PKIA: variants seen among roughly 807,000 people sequenced by gnomAD.
The protein encoded by PKIA is cAMP-dependent protein kinase inhibitor alpha.
A neutral mutation model predicts 7.6 loss-of-function variants in PKIA; 4 were observed. The ratio of observed to expected loss-of-function variants is 0.52; its 90% CI spans 0.26 to 1.20. The LOEUF (loss-of-function observed/expected upper bound fraction) is 1.20, where lower values mean the gene tolerates loss of function less well. PKIA is among the 50% of genes most tolerant of loss of function. The pLI is 0.13. For synonymous variants in PKIA, 21 were observed against 30.7 expected (o/e 0.68, Z 1.04); for missense variants, 73 against 86.2 (o/e 0.85, Z 0.61).
At chr8:78,574,036 A>T (rs1340051921) in intron 2 of PKIA, among the ~76,000 whole-genome samples, 1 of 152,016 alleles carries the variant, frequency 6.6e-6, no homozygotes, top group Non-Finnish European at 1.5e-5. Context: ...TAGTACCTTC[A>T]TTAGATGTAC....
At position 78,597,975 on chromosome 8, in the gene PKIA, G is replaced by A. The variant is rs573916570; in HGVS notation, c.-27-383G>A. Among the ~76,000 whole-genome samples the A allele has an allele frequency of 2.0e-4, 30 of 151,616 alleles. No homozygotes were observed. The South Asian group carries it at 5.4e-3, about 27-fold the overall frequency. On this transcript the variant is annotated intron_variant, in intron 2 of 3. Transcript: ENST00000396418. Reference sequence around the variant, plus strand: ...AGGAACAGAAAACCAAACACTGCACGTTCTCACGTATAAGTGGTAGCTAAA... The same window carrying A: ...AGGAACAGAAAACCAAACACTGCACATTCTCACGTATAAGTGGTAGCTAAA...
At chr8:78,578,565 C>T (rs1251675895) in intron 2 of PKIA, among the ~76,000 whole-genome samples, 17 of 151,798 alleles carry the variant, frequency 1.1e-4, no homozygotes, top group Admixed American at 1.1e-3. Context: ...GCTAAAAGCT[C>T]TCGTTAGAAT....
chr8:78,584,297 T>G (rs1409589409), intron 2 of PKIA, among the ~76,000 whole-genome samples: 1 of 152,090 alleles, frequency 6.6e-6, no homozygotes, highest in African/African-American at 2.4e-5. Flanking sequence ...ATTGGTAAGT[T>G]TAAAAGTCAC....
chr8:78,570,844 CA>C (rs1469337537), intron 1 of PKIA, among the ~76,000 whole-genome samples: 2 of 152,100 alleles, frequency 1.3e-5, no homozygotes, highest in Non-Finnish European at 2.9e-5. Context: ...CTCTTTGACT[CA>C]AAAATTTACC....
At chr8:78,572,067 A>G (rs1463458841) in intron 1 of PKIA, among the ~76,000 whole-genome samples, 1 of 151,746 alleles carries the variant, frequency 6.6e-6, no homozygotes, top group Non-Finnish European at 1.5e-5. Context: ...TGAGAAGACT[A>G]CTCCTTAGTC....
intron 1 of PKIA, among the ~76,000 whole-genome samples, chr8:78,521,679 G>C (rs879655094): frequency 2.6e-5 from 4 of 151,732 alleles, no homozygotes; most frequent in Non-Finnish European, 5.9e-5. Context: ...CTCCATATCA[G>C]GTAAGTTTAT....
intron 2 of PKIA, among the ~76,000 whole-genome samples, chr8:78,578,429 C>T (rs779192903): frequency 1.1e-4 from 17 of 151,940 alleles, no homozygotes; most frequent in Non-Finnish European, 1.9e-4. Flanking sequence ...GTACTTGTAT[C>T]TTAAATGAAC....
At chr8:78,544,050 A>G (rs891917629) in intron 1 of PKIA, among the ~76,000 whole-genome samples, 2 of 152,134 alleles carry the variant, frequency 1.3e-5, no homozygotes, top group African/African-American at 4.8e-5. Context: ...CTCACATGCA[A>G]TGCATATTAA....
At chr8:78,587,417 G>A (rs374040926) in intron 2 of PKIA, among the ~76,000 whole-genome samples, 11 of 152,158 alleles carry the variant, frequency 7.2e-5, no homozygotes, top group East Asian at 3.8e-4. Context: ...TGGTCAAGTC[G>A]ATTAACCTTT....
chr8:78,518,791 G>T (rs115816000), intron 1 of PKIA, among the ~76,000 whole-genome samples: 6 of 152,316 alleles, frequency 3.9e-5, no homozygotes, highest in African/African-American at 1.4e-4. Context: ...TGGAGTTGGA[G>T]AAATCTTGTT....
intron 1 of PKIA, among the ~76,000 whole-genome samples, chr8:78,564,064 C>G (rs1231464364): frequency 6.6e-6 from 1 of 151,578 alleles, no homozygotes; most frequent in Non-Finnish European, 1.5e-5. Context: ...GACAGTGGGC[C>G]ATTTACTGGC....
intron 2 of PKIA, among the ~76,000 whole-genome samples, chr8:78,576,224 A>G (rs1807671648): frequency 6.6e-6 from 1 of 152,058 alleles, no homozygotes; most frequent in Admixed American, 6.6e-5. Flanking sequence ...CATTTCCCTA[A>G]TTACCAATAG....
intron 2 of PKIA, among the ~76,000 whole-genome samples, chr8:78,581,669 T>G (rs1807811737): frequency 6.6e-6 from 1 of 152,050 alleles, no homozygotes; most frequent in African/African-American, 2.4e-5. Flanking sequence ...CTTTAAAGGT[T>G]TTAAGGCTAT....
At chr8:78,577,938 C>G (rs541028511) in intron 2 of PKIA, among the ~76,000 whole-genome samples, 113 of 152,050 alleles carry the variant, frequency 7.4e-4, no homozygotes, top group Admixed American at 1.4e-3. Context: ...GTATCTCTTA[C>G]TTTTTCCCCC....
intron 1 of PKIA, among the ~76,000 whole-genome samples, chr8:78,548,013 T>C (rs1267788973): frequency 6.6e-6 from 1 of 152,014 alleles, no homozygotes; most frequent in African/African-American, 2.4e-5. Flanking sequence ...AAAATATTAA[T>C]AAAATGTCTC....
chr8:78,592,581 G>A (rs1808128110), intron 2 of PKIA, among the ~76,000 whole-genome samples: 1 of 152,012 alleles, frequency 6.6e-6, no homozygotes, highest in Non-Finnish European at 1.5e-5. Flanking sequence ...GATTTTAAAA[G>A]TAAGCACAAT....
At chr8:78,577,584 A>C (rs1807705057) in intron 2 of PKIA, among the ~76,000 whole-genome samples, 1 of 151,932 alleles carries the variant, frequency 6.6e-6, no homozygotes, top group South Asian at 2.1e-4. Context: ...GACATACCTA[A>C]ATTTACTAAG....
rs1298328867 is a variant in PKIA, at chr8:78,603,507, TTAA to T, written c.*1691_*1693del. On this transcript the variant is annotated 3_prime_UTR_variant, in exon 4 of 4. Coordinates refer to ENST00000396418, the MANE Select transcript of PKIA (RefSeq NM_006823.4). ...CAATCAGATATTACTAGAAAAAAAA[TTAA>T]TAATGTGAGCCTTTCCGAGAGCAGA... 1.3e-5 allele frequency: 2 copies of T among 151,856 alleles called. No individual in the cohort carries two copies. Among genetic ancestry groups the T allele is most frequent in the Non-Finnish European group, 2.9e-5 (2 of 67,934 alleles). 9.4% of individuals were successfully genotyped at this position (151,856 alleles called of 1,614,324 possible).
chr8:78,539,543 G>T (rs1016573705), intron 1 of PKIA, among the ~76,000 whole-genome samples: 14 of 152,086 alleles, frequency 9.2e-5, no homozygotes, highest in African/African-American at 3.4e-4. Context: ...CTAACTCAGA[G>T]ATTTTTATTT....
Sources: gnomAD v4.1 joint callset for allele counts (sites outside exome capture counted in the v4.1 genomes callset) on GRCh38, gnomAD v4.1.1 for gene constraint, MANE v1.5 for transcripts, NCBI Gene and HGNC (gene_info 2026-07-23, HGNC 2026-07-21) for gene names.